The following NCAPG2 variants were observed in gnomAD, a reference collection of about 807,000 sequenced individuals.
NCAPG2 encodes condensin-2 complex subunit G2.
A neutral mutation model predicts 141.1 loss-of-function variants in NCAPG2; 53 were observed. That is an observed-to-expected ratio of 0.38 (90% CI 0.30 to 0.47). The LOEUF (loss-of-function observed/expected upper bound fraction) is 0.47, where lower values mean the gene tolerates loss of function less well. Among genes scored for constraint, NCAPG2 ranks in the 20% least tolerant of loss-of-function variants. The pLI is 0.99. For synonymous variants in NCAPG2, 499 were observed against 490.7 expected (o/e 1.02, Z -0.22); for missense variants, 1,087 against 1,389.0 (o/e 0.78, Z 3.46).
At chr7:158,638,188 G>A (rs541798844) in intron 27 of NCAPG2, among the ~76,000 whole-genome samples, 50 of 152,214 alleles carry the variant, frequency 3.3e-4, no homozygotes, top group East Asian at 5.8e-4. Context: ...TTCCCTATCC[G>A]AATCACTGCG....
chr7:158,657,646 G>C (rs1204479302), intron 17 of NCAPG2, among the ~76,000 whole-genome samples: 1 of 152,250 alleles, frequency 6.6e-6, no homozygotes, highest in African/African-American at 2.4e-5. Flanking sequence ...CCCCGTCTGG[G>C]AGGTGTACTC....
intron 11 of NCAPG2, among the ~76,000 whole-genome samples, chr7:158,678,980 T>C (rs1276472507): frequency 6.6e-6 from 1 of 152,262 alleles, no homozygotes; most frequent in East Asian, 1.9e-4. Flanking sequence ...ACCACAGGCG[T>C]GTGCCACCAC....
intron 16 of NCAPG2, among the ~76,000 whole-genome samples, chr7:158,661,284 A>C (rs1449632980): frequency 6.6e-6 from 1 of 152,248 alleles, no homozygotes; most frequent in Non-Finnish European, 1.5e-5. Flanking sequence ...CATAAGACCT[A>C]CGATCTTTCT....
intron 17 of NCAPG2, 29 bp downstream of exon 17, chr7:158,658,309 T>C: frequency 6.3e-7 from 1 of 1,580,470 alleles, no homozygotes; most frequent in Non-Finnish European, 8.6e-7. Context: ...TTCCTACTTT[T>C]CTACCGTACC....
At chr7:158,649,360 A>G (rs1439956727) in intron 24 of NCAPG2, among the ~76,000 whole-genome samples, 4 of 152,210 alleles carry the variant, frequency 2.6e-5, no homozygotes, top group African/African-American at 9.6e-5. Flanking sequence ...TATAGTAAAT[A>G]TTTTCACCTT....
At chr7:158,655,798 G>A (rs561753416) in intron 19 of NCAPG2, among the ~76,000 whole-genome samples, 11 of 1,424 alleles carry the variant, frequency 7.7e-3, no homozygotes, top group South Asian at 0.029. Flanking sequence ...TGAGGGCAGC[G>A]TAACAGGGTG....
intron 2 of NCAPG2, among the ~76,000 whole-genome samples, chr7:158,698,257 T>C (rs1047429126): frequency 1.3e-5 from 2 of 152,132 alleles, no homozygotes; most frequent in African/African-American, 4.8e-5. Context: ...TGAAGAAAAA[T>C]GTTTTTATAA....
chr7:158,643,216 G>C (rs973729527), intron 27 of NCAPG2, among the ~76,000 whole-genome samples: 7 of 151,974 alleles, frequency 4.6e-5, no homozygotes, highest in African/African-American at 1.7e-4. Context: ...CACCCACCTC[G>C]GCCTCCCAAA....
intron 27 of NCAPG2, among the ~76,000 whole-genome samples, chr7:158,632,771 CTTTT>C: frequency 6.6e-6 from 1 of 152,280 alleles, no homozygotes; most frequent in Middle Eastern, 3.4e-3. Flanking sequence ...GACCTTGCTT[CTTTT>C]TATTTTTTTA....
At chr7:158,639,602 T>C (rs931590660) in intron 27 of NCAPG2, among the ~76,000 whole-genome samples, 2 of 152,098 alleles carry the variant, frequency 1.3e-5, no homozygotes, top group Non-Finnish European at 2.9e-5. Flanking sequence ...CAGGCAGTAA[T>C]AGGAAATCAG....
Position 158,662,214 on chromosome 7 carries a change from C to G in NCAPG2, c.1969G>C (p.Glu657Gln). 6.2e-7 allele frequency: 1 copy of G among 1,607,834 alleles called. No individual in the cohort carries two copies. Among genetic ancestry groups the G allele is most frequent in the Non-Finnish European group, 8.5e-7 (1 of 1,178,102 alleles). Residue 657 changes from glutamate to glutamine, a missense_variant, in exon 16 of 28, where the codon GAG becomes CAG. By Grantham distance (29) the Glu-to-Gln change is conservative (BLOSUM62 2). Coordinates refer to ENST00000356309, the MANE Select transcript of NCAPG2 (RefSeq NM_017760.7). ...TINKFASVLP[E>Q]YLKVFKDDRC... is the part of the protein sequence containing the mutation. ...CTTACCTTAAATACTTTCAGATACT[C>G]TGGAAGCACAGAGGCAAACTTGTTA...
chr7:158,675,349 T>A (rs996153956), intron 12 of NCAPG2, 128 bp downstream of exon 12: 18 of 1,044,942 alleles, frequency 1.7e-5, no homozygotes, highest in Middle Eastern at 2.8e-4. Flanking sequence ...ACTTTGGATA[T>A]ATGACAGGTC....
chr7:158,693,273 G>GA (rs752459629), intron 3 of NCAPG2, 36 bp downstream of exon 3: 1 of 1,573,588 alleles, frequency 6.4e-7, no homozygotes, highest in Non-Finnish European at 8.6e-7. Context: ...AAAAAAAAGA[G>GA]AAAAACGTTT....
Position 158,662,218 on chromosome 7 carries a change from A to T in NCAPG2, c.1965T>A (p.Leu655=). The change falls in exon 16 of 28, where the codon CTT becomes CTA. Residue 655 remains leucine, a synonymous_variant. Transcript: ENST00000356309. ...LYTINKFASV[L]PEYLKVFKDD... ...CCTTAAATACTTTCAGATACTCTGG[A>T]AGCACAGAGGCAAACTTGTTAATCG... 1.9e-6 allele frequency: 3 copies of T among 1,608,778 alleles called. No homozygotes were observed. Among genetic ancestry groups the T allele is most frequent in the Non-Finnish European group, 2.5e-6 (3 of 1,178,404 alleles).
Position 158,704,341 on chromosome 7 carries a change from G to A in NCAPG2, c.-40+383C>T, listed in dbSNP as rs186626589. Among the ~76,000 whole-genome samples the A allele has an allele frequency of 1.6e-3, 233 of 149,262 alleles. 1 individual carries two copies. The Middle Eastern group carries it at 0.018, about 12-fold the overall frequency. On this transcript the variant is annotated intron_variant, in intron 1 of 27. Coordinates refer to ENST00000356309, the MANE Select transcript of NCAPG2 (RefSeq NM_017760.7). ...ACTGAGGGGACACTCTCTGAGGGCA[G>A]TTCCCATGCCCAGGACAGAGGAGGT... is the stretch of plus-strand genomic sequence containing the variant.
intron 13 of NCAPG2, chr7:158,667,184 A>C: frequency 1.0e-6 from 1 of 985,396 alleles, no homozygotes; most frequent in South Asian, 4.7e-5. Flanking sequence ...GCACTTGCAA[A>C]GATAAGGACT....
chr7:158,645,404 G>T (rs547303728), intron 26 of NCAPG2, 115 bp downstream of exon 26: 207 of 824,740 alleles, frequency 2.5e-4, no homozygotes, highest in Admixed American at 8.0e-4. Flanking sequence ...AAGGCTGGGG[G>T]ACACCTGAGC....
chr7:158,660,149 T>C (rs1259149527), intron 16 of NCAPG2, among the ~76,000 whole-genome samples: 1 of 151,814 alleles, frequency 6.6e-6, no homozygotes, highest in African/African-American at 2.4e-5. Context: ...ATACTGATAA[T>C]GATGGCCAAT....
Position 158,652,484 on chromosome 7 carries a change from G to A in NCAPG2, c.2747-4C>T, listed in dbSNP as rs777633889. On this transcript the variant is annotated splice_region_variant and splice_polypyrimidine_tract_variant and intron_variant, in intron 22 of 27. Coordinates refer to ENST00000356309, the MANE Select transcript of NCAPG2 (RefSeq NM_017760.7). ...GAAACATAAAAAAATCCCTTCACTA[G>A]AAAGAAAATTGGAATATATCAGTTT... is the stretch of plus-strand genomic sequence containing the variant. 3.7e-5 allele frequency: 59 copies of A among 1,582,640 alleles called. No homozygotes were observed. The highest frequency in any genetic ancestry group is 3.4e-4 in the Middle Eastern group (2 of 5,966).
Sources: allele counts gnomAD v4.1 joint callset (sites outside exome capture counted in the v4.1 genomes callset), GRCh38; gene constraint gnomAD v4.1.1; transcripts MANE v1.5; gene names NCBI Gene and HGNC (gene_info 2026-07-23, HGNC 2026-07-21).